NIBAN1: variants seen among roughly 807,000 people sequenced by gnomAD.
The protein encoded by NIBAN1 is protein Niban 1.
NIBAN1 carries 81 observed loss-of-function variants against 75.1 expected under a neutral mutation model. The ratio of observed to expected loss-of-function variants is 1.08; its 90% CI spans 0.90 to 1.30. NIBAN1 has a LOEUF of 1.30. NIBAN1 is among the 50% of genes most tolerant of loss of function. The pLI is 0.00. For synonymous variants in NIBAN1, 436 were observed against 424.8 expected (o/e 1.03, Z -0.32); for missense variants, 1,133 against 1,128.1 (o/e 1.00, Z -0.06).
chr1:184,804,705 ACTAT>A (rs1339007032), intron 11 of NIBAN1, among the ~76,000 whole-genome samples: 4 of 147,640 alleles, frequency 2.7e-5, no homozygotes, highest in Non-Finnish European at 6.0e-5. Context: ...TGACACTGAC[ACTAT>A]CTTTTTTTTT....
chr1:184,835,060 T>A (rs1188152231), intron 5 of NIBAN1, among the ~76,000 whole-genome samples: 2 of 152,338 alleles, frequency 1.3e-5, no homozygotes, highest in South Asian at 4.1e-4. Flanking sequence ...TTTCTACATA[T>A]GGCTAGCCAG....
intron 1 of NIBAN1, among the ~76,000 whole-genome samples, chr1:184,930,718 T>C (rs1247261020): frequency 6.6e-6 from 1 of 152,166 alleles, no homozygotes; most frequent in Non-Finnish European, 1.5e-5. Flanking sequence ...TATATAATCA[T>C]ACAACCACCA....
At chr1:184,966,741 G>A (rs183329588) in intron 1 of NIBAN1, among the ~76,000 whole-genome samples, 77 of 152,082 alleles carry the variant, frequency 5.1e-4, no homozygotes, top group Admixed American at 2.0e-3. Context: ...GGCTGTCTGG[G>A]CCTATGTTTT....
chr1:184,894,870 A>G (rs1334760822), intron 2 of NIBAN1, among the ~76,000 whole-genome samples: 1 of 152,216 alleles, frequency 6.6e-6, no homozygotes, highest in Non-Finnish European at 1.5e-5. Flanking sequence ...CATTTCCATT[A>G]GATTCCTAGT....
At chr1:184,972,267 A>G (rs377698541) in intron 1 of NIBAN1, among the ~76,000 whole-genome samples, 42 of 152,350 alleles carry the variant, frequency 2.8e-4, no homozygotes, top group African/African-American at 1.0e-3. Flanking sequence ...TCATACTTCC[A>G]ATCGTTTTGC....
chr1:184,929,539 T>TG (rs1038903566), intron 1 of NIBAN1, among the ~76,000 whole-genome samples: 2 of 152,172 alleles, frequency 1.3e-5, no homozygotes, highest in Non-Finnish European at 2.9e-5. Flanking sequence ...GCCACTTTTT[T>TG]TTTATAAATA....
intron 5 of NIBAN1, among the ~76,000 whole-genome samples, chr1:184,871,450 A>G (rs986120877): frequency 9.2e-5 from 14 of 151,806 alleles, no homozygotes; most frequent in African/African-American, 3.1e-4. Flanking sequence ...AGTGATGCTT[A>G]TATAAGCCAA....
chr1:184,853,706 C>T (rs1352171523), intron 5 of NIBAN1, among the ~76,000 whole-genome samples: 3 of 152,150 alleles, frequency 2.0e-5, no homozygotes, highest in African/African-American at 7.2e-5. Context: ...CACACACATA[C>T]ATACACACAC....
intron 1 of NIBAN1, among the ~76,000 whole-genome samples, chr1:184,943,867 T>A (rs942238022): frequency 2.6e-5 from 4 of 152,202 alleles, no homozygotes; most frequent in African/African-American, 9.6e-5. Flanking sequence ...TATAACAGTA[T>A]ATAGTTCACT....
intron 5 of NIBAN1, among the ~76,000 whole-genome samples, chr1:184,842,626 GC>G (rs1655321449): frequency 6.6e-6 from 1 of 152,102 alleles, no homozygotes; most frequent in Non-Finnish European, 1.5e-5. Flanking sequence ...GGTGGCGGGC[GC>G]CTGTAATCCT....
At position 184,791,136 on chromosome 1, in the gene NIBAN1, A is replaced by T; in HGVS notation, c.*3841T>A. The stretch of plus-strand genomic sequence containing the variant: ...CTTTATATAGTGACCGGGAAAGTCA[A>T]TCCACAGTGTCGATTTTTTTTCTTG... On this transcript the variant is annotated 3_prime_UTR_variant, in exon 14 of 14. Transcript: ENST00000367511. The T allele has an allele frequency of 2.3e-6, 1 of 443,028 alleles. No homozygotes were observed. The highest frequency in any genetic ancestry group is 4.6e-6 in the Non-Finnish European group (1 of 216,568). 27.4% of individuals were successfully genotyped at this position (443,028 alleles called of 1,614,324 possible).
rs572164487 is a variant in NIBAN1, at chr1:184,804,832, G to C, written c.1446+1114C>G. On this transcript the variant is annotated intron_variant, in intron 11 of 13. Coordinates refer to ENST00000367511, the MANE Select transcript of NIBAN1 (RefSeq NM_052966.4). ...AGATAGAGTCTCACTCTGCCACCCA[G>C]AGCTGGAGTATAGTGGCACAATCTC... Among the ~76,000 whole-genome samples the C allele has an allele frequency of 5.3e-5, 8 of 150,702 alleles. No individual in the cohort carries two copies. The East Asian group carries it at 9.8e-4, about 18-fold the overall frequency.
At chr1:184,895,753 A>T (rs1571554724) in intron 2 of NIBAN1, among the ~76,000 whole-genome samples, 1 of 151,966 alleles carries the variant, frequency 6.6e-6, no homozygotes, top group Admixed American at 6.6e-5. Flanking sequence ...TATTCTCTCC[A>T]TCTTTATGTC....
intron 1 of NIBAN1, among the ~76,000 whole-genome samples, chr1:184,946,696 T>G (rs1658232564): frequency 6.6e-6 from 1 of 152,186 alleles, no homozygotes; most frequent in African/African-American, 2.4e-5. Context: ...GAATAAAAAC[T>G]AGAATACCTG....
chr1:184,807,390 GGTTT>G (rs1654234537), intron 10 of NIBAN1, among the ~76,000 whole-genome samples: 2 of 151,972 alleles, frequency 1.3e-5, no homozygotes, highest in African/African-American at 2.4e-5. Context: ...TTGATTGATT[GGTTT>G]ACTCTTAATT....
At chr1:184,899,379 A>C in intron 1 of NIBAN1, 70 bp from the exon 2 acceptor site, 1 of 1,510,336 alleles carries the variant, frequency 6.6e-7, no homozygotes, top group South Asian at 1.2e-5. Flanking sequence ...GAGTTCCAAA[A>C]ACCATCCCTC....
chr1:184,899,630 A>ACTAT lies in NIBAN1; in HGVS notation c.56-325_56-322dup, dbSNP rs577026405. On this transcript the variant is annotated intron_variant, in intron 1 of 13. Transcript: ENST00000367511. ...GTTTTGCTTTATTTTCTATCAATAG[A>ACTAT]CTATCGCCATGACCATAAACTCAAC... Among the ~76,000 whole-genome samples the ACTAT allele has an allele frequency of 2.7e-4, 41 of 152,146 alleles. 1 individual carries two copies. The highest frequency in any genetic ancestry group is 1.4e-3 in the Admixed American group (21 of 15,262).
intron 5 of NIBAN1, chr1:184,868,180 A>G: frequency 2.7e-6 from 1 of 373,638 alleles, no homozygotes; most frequent in Non-Finnish European, 3.7e-6. Context: ...CTCTTAAAAT[A>G]GAAATGTCCC....
intron 9 of NIBAN1, among the ~76,000 whole-genome samples, chr1:184,811,478 C>T (rs915262781): frequency 1.4e-5 from 2 of 146,612 alleles, no homozygotes; most frequent in African/African-American, 5.1e-5. Context: ...GAAAGAACAA[C>T]AATGCATTGA....
Sources: gnomAD v4.1 joint callset for allele counts (sites outside exome capture counted in the v4.1 genomes callset) on GRCh38, gnomAD v4.1.1 for gene constraint, MANE v1.5 for transcripts, NCBI Gene and HGNC (gene_info 2026-07-23, HGNC 2026-07-21) for gene names.